The following CACNA1E variants were observed in gnomAD, a reference collection of about 807,000 sequenced individuals.
CACNA1E encodes calcium voltage-gated channel subunit alpha1 E.
In CACNA1E, 40 loss-of-function variants were observed where a neutral mutation model predicts 259.2. The observed-to-expected ratio is 0.15, with a 90% CI of 0.12 to 0.20. The LOEUF is 0.20. Ranked by LOEUF, CACNA1E falls within the 10% of genes least tolerant of loss-of-function variation. The probability of loss-of-function intolerance (pLI) is 1.00; values close to 1 mark genes in which losing one functional copy is unlikely to be tolerated. For missense variants in CACNA1E, 1,874 were observed against 3,040.1 expected (o/e 0.62, Z 9.02); for synonymous variants, 1,104 against 1,138.5 (o/e 0.97, Z 0.61).
chr1:181,412,007 A>G (rs1557982498), intron 1 of CACNA1E, among the ~76,000 whole-genome samples: 1 of 152,274 alleles, frequency 6.6e-6, no homozygotes, highest in Admixed American at 6.5e-5. Flanking sequence ...TGCCTCTTCC[A>G]TGAGGATGAT....
chr1:181,470,259 G>C (rs1157081337), intron 2 of CACNA1E, among the ~76,000 whole-genome samples: 3 of 151,986 alleles, frequency 2.0e-5, no homozygotes, highest in African/African-American at 7.3e-5. Flanking sequence ...TGTGATCACA[G>C]CTCACTGCAG....
intron 3 of CACNA1E, among the ~76,000 whole-genome samples, chr1:181,548,624 A>G (rs1311013393): frequency 6.6e-6 from 1 of 152,234 alleles, no homozygotes; most frequent in Non-Finnish European, 1.5e-5. Context: ...GAATAATGAC[A>G]GAGTTAACAG....
In CACNA1E at chr1:181,496,755, C is replaced by T. The variant is rs653550; in HGVS notation, c.266+12745C>T. Among the ~76,000 whole-genome samples the T allele has an allele frequency of 6.1e-3, 923 of 152,258 alleles. 6 individuals carry two copies. The highest frequency in any genetic ancestry group is 0.02 in the African/African-American group (831 of 41,538). On this transcript the variant is annotated intron_variant, in intron 1 of 47. Coordinates refer to ENST00000367573, the MANE Select transcript of CACNA1E (RefSeq NM_001205293.3). ...GAATTAGGATGCACCACTTGGCTTC[C>T]GGAAACCAGACAGAGCACTCAAAAG...
In CACNA1E at chr1:181,467,103, T is replaced by C. The variant is rs554702048; in HGVS notation, c.435-16641T>C. On this transcript the variant is annotated intron_variant, in intron 2 of 11. Coordinates refer to the CACNA1E transcript ENST00000524607. ...GGCAGTTCACTTAGAAAAGTGATCA[T>C]TGGTAAGTCCTTACCAGCAGCTCCC... Among the ~76,000 whole-genome samples the C allele has an allele frequency of 2.7e-4, 41 of 152,340 alleles. No homozygotes were observed. In the South Asian group the frequency reaches 4.1e-3, roughly 15 times the overall value.
At chr1:181,640,638 T>G (rs1459056533) in intron 6 of CACNA1E, among the ~76,000 whole-genome samples, 1 of 152,204 alleles carries the variant, frequency 6.6e-6, no homozygotes, top group Non-Finnish European at 1.5e-5. Flanking sequence ...GAAAAATGAT[T>G]ATCTGAAGCT....
intron 7 of CACNA1E, among the ~76,000 whole-genome samples, chr1:181,670,095 A>G (rs1049460490): frequency 2.6e-5 from 4 of 152,168 alleles, no homozygotes; most frequent in Non-Finnish European, 5.9e-5. Flanking sequence ...GGTCTATAGA[A>G]CCTCATAATA....
At chr1:181,791,440 T>G (rs1276251070) in intron 44 of CACNA1E, among the ~76,000 whole-genome samples, 4 of 152,188 alleles carry the variant, frequency 2.6e-5, no homozygotes, top group Non-Finnish European at 4.4e-5. Flanking sequence ...GCTGCTGCAC[T>G]CCAGCCTGGG....
At chr1:181,593,815 G>T (rs1299107296) in intron 6 of CACNA1E, among the ~76,000 whole-genome samples, 1 of 152,296 alleles carries the variant, frequency 6.6e-6, no homozygotes, top group Admixed American at 6.5e-5. Context: ...GGGATTACAG[G>T]TGTGAGCTAC....
chr1:181,404,904 C>T (rs1026324756), intron 1 of CACNA1E, among the ~76,000 whole-genome samples: 2 of 152,240 alleles, frequency 1.3e-5, no homozygotes, highest in African/African-American at 4.8e-5. Context: ...GTGAGGTGTC[C>T]TCCATGAAGA....
chr1:181,743,900 C>G (rs1460281925), intron 25 of CACNA1E, among the ~76,000 whole-genome samples: 1 of 152,254 alleles, frequency 6.6e-6, no homozygotes, highest in Non-Finnish European at 1.5e-5. Flanking sequence ...TCTCCTCCCC[C>G]ACCTCGGAAT....
chr1:181,698,217 TCC>T (rs1252094077), intron 7 of CACNA1E, among the ~76,000 whole-genome samples: 1 of 152,224 alleles, frequency 6.6e-6, no homozygotes, highest in Non-Finnish European at 1.5e-5. Flanking sequence ...TTCCTTCCCT[TCC>T]AGTGTTGATT....
intron 7 of CACNA1E, among the ~76,000 whole-genome samples, chr1:181,669,537 C>T (rs556238154): frequency 1.3e-5 from 2 of 152,290 alleles, no homozygotes; most frequent in South Asian, 2.1e-4. Flanking sequence ...TTAGAGCACT[C>T]GTTACGTTAT....
At chr1:181,500,777 A>G (rs1234923551) in intron 1 of CACNA1E, among the ~76,000 whole-genome samples, 1 of 152,220 alleles carries the variant, frequency 6.6e-6, no homozygotes, top group Non-Finnish European at 1.5e-5. Flanking sequence ...CAGGCTCAGT[A>G]GGTGTCTTTG....
At position 181,408,624 on chromosome 1, in the gene CACNA1E, A is replaced by AG. The variant is rs112363318; in HGVS notation, c.-14-4506dup. Among the ~76,000 whole-genome samples, 1,435 of 152,174 alleles carry AG rather than the reference A, an allele frequency of 9.4e-3. 28 individuals are homozygous for AG. Among genetic ancestry groups the AG allele is most frequent in the African/African-American group, 0.033 (1,373 of 41,514 alleles). The stretch of plus-strand genomic sequence containing the variant: ...TTCTGCCATTCCACTGTGCCCTGAC[A>AG]GGGAAGGGAAGGGTTTTTCTGGGGC... On this transcript the variant is annotated intron_variant, in intron 1 of 11. Transcript: ENST00000524607.
chr1:181,450,646 A>C (rs560985140), intron 2 of CACNA1E, among the ~76,000 whole-genome samples: 1 of 152,328 alleles, frequency 6.6e-6, no homozygotes, highest in East Asian at 1.9e-4. Flanking sequence ...GATTAGCAGG[A>C]ACTAAAAAAC....
chr1:181,715,197 TC>T (rs1474411395), intron 8 of CACNA1E, 140 bp from the exon 9 acceptor site: 1 of 624,392 alleles, frequency 1.6e-6, no homozygotes, highest in Non-Finnish European at 2.9e-6. Context: ...TTGCTTTCTT[TC>T]TGATGCTGGT....
In CACNA1E at chr1:181,531,502, A is replaced by G. The variant is rs74395893; in HGVS notation, c.512+19992A>G. The stretch of plus-strand genomic sequence containing the variant: ...TTAGACCCACAATAGATGCCCAACA[A>G]ATGCAAGATGAGTGAGAGGTGAAAA... On this transcript the variant is annotated intron_variant, in intron 3 of 47. Coordinates refer to ENST00000367573, the MANE Select transcript of CACNA1E (RefSeq NM_001205293.3). Among the ~76,000 whole-genome samples the G allele has an allele frequency of 2.3e-4, 35 of 152,314 alleles. 1 individual carries two copies. The East Asian group carries it at 6.6e-3, about 29-fold the overall frequency.
intron 7 of CACNA1E, among the ~76,000 whole-genome samples, chr1:181,692,148 G>C (rs774329910): frequency 6.6e-6 from 1 of 152,062 alleles, no homozygotes; most frequent in Non-Finnish European, 1.5e-5. Flanking sequence ...ATAAAACACT[G>C]CTGAAAGAAA....
chr1:181,590,590 A>C (rs1269844104), intron 6 of CACNA1E, among the ~76,000 whole-genome samples: 2 of 152,054 alleles, frequency 1.3e-5, no homozygotes, highest in African/African-American at 2.4e-5. Context: ...TTGTCCCCTC[A>C]GCTTCTCCTA....
Sources: gnomAD v4.1 joint callset for allele counts (sites outside exome capture counted in the v4.1 genomes callset) on GRCh38, gnomAD v4.1.1 for gene constraint, MANE v1.5 for transcripts, NCBI Gene and HGNC (gene_info 2026-07-23, HGNC 2026-07-21) for gene names.